The following PIK3R4 variants were observed in gnomAD, a reference collection of about 807,000 sequenced individuals.
PIK3R4 encodes phosphoinositide-3-kinase regulatory subunit 4.
A neutral mutation model predicts 136.5 loss-of-function variants in PIK3R4; 46 were observed. The ratio of observed to expected loss-of-function variants is 0.34; its 90% CI spans 0.27 to 0.43. The LOEUF is 0.43. Among genes scored for constraint, PIK3R4 ranks in the 20% least tolerant of loss-of-function variants. PIK3R4 has a pLI of 1.00. For missense variants in PIK3R4, 1,331 were observed against 1,649.5 expected (o/e 0.81, Z 3.35); for synonymous variants, 557 against 566.7 (o/e 0.98, Z 0.24).
Position 130,735,153 on chromosome 3 carries a change from C to A in PIK3R4, c.867+716G>T, listed in dbSNP as rs140564201. Reference sequence around the variant, plus strand: ...TGGCCTCAACTGGCTTCCTCTGAAGCACCTTATTTTTTAATATTTGACATA... The same window carrying A: ...TGGCCTCAACTGGCTTCCTCTGAAGAACCTTATTTTTTAATATTTGACATA... On this transcript the variant is annotated intron_variant, in intron 3 of 19. Coordinates refer to ENST00000356763, the MANE Select transcript of PIK3R4 (RefSeq NM_014602.3). 2.0e-3 allele frequency among the ~76,000 whole-genome samples: 304 copies of A among 152,272 alleles called. 1 individual carries two copies. The highest frequency in any genetic ancestry group is 3.1e-3 in the Non-Finnish European group (212 of 68,010).
chr3:130,698,077 A>G (rs2066556234), intron 13 of PIK3R4, among the ~76,000 whole-genome samples: 1 of 152,126 alleles, frequency 6.6e-6, no homozygotes, highest in Non-Finnish European at 1.5e-5. Context: ...ATCAACTGTT[A>G]ATTTTATAGA....
intron 7 of PIK3R4, among the ~76,000 whole-genome samples, chr3:130,722,304 G>T (rs2066706143): frequency 6.6e-6 from 1 of 151,992 alleles, no homozygotes; most frequent in African/African-American, 2.4e-5. Context: ...ACCACACTGG[G>T]TTTATTCTGT....
At chr3:130,723,642 C>A in intron 6 of PIK3R4, 55 bp from the exon 7 acceptor site, 3 of 1,442,476 alleles carry the variant, frequency 2.1e-6, no homozygotes, top group East Asian at 2.4e-5. Context: ...GTACATATAT[C>A]ATTAAGTAAA....
chr3:130,695,034 C>T (rs910777519), intron 13 of PIK3R4, among the ~76,000 whole-genome samples: 1 of 152,062 alleles, frequency 6.6e-6, no homozygotes, highest in African/African-American at 2.4e-5. Flanking sequence ...GTTGAGATGA[C>T]CATTTGGTCT....
chr3:130,696,898 C>T (rs1479605980), intron 13 of PIK3R4, among the ~76,000 whole-genome samples: 2 of 151,952 alleles, frequency 1.3e-5, no homozygotes, highest in Non-Finnish European at 2.9e-5. Context: ...TCAATTCTAT[C>T]GGTTTTTGCT....
chr3:130,727,990 C>T (rs576573406), intron 6 of PIK3R4, among the ~76,000 whole-genome samples: 1 of 151,900 alleles, frequency 6.6e-6, no homozygotes, highest in Non-Finnish European at 1.5e-5. Flanking sequence ...TTACACAAAG[C>T]CTTTAACTTA....
chr3:130,693,208 C>A (rs1001981736), intron 13 of PIK3R4, among the ~76,000 whole-genome samples: 1 of 152,058 alleles, frequency 6.6e-6, no homozygotes, highest in African/African-American at 2.4e-5. Flanking sequence ...ATAGATATAC[C>A]ACATTTTATC....
At chr3:130,706,082 A>ATTT (rs1209178380) in intron 11 of PIK3R4, among the ~76,000 whole-genome samples, 1 of 152,246 alleles carries the variant, frequency 6.6e-6, no homozygotes, top group Non-Finnish European at 1.5e-5. Context: ...ATTTCAATTC[A>ATTT]ATTAATCTGG....
chr3:130,703,796 C>T lies in PIK3R4; in HGVS notation c.3025G>A (p.Ala1009Thr), dbSNP rs758713279. 1.2e-6 allele frequency: 2 copies of T among 1,613,158 alleles called. No individual in the cohort carries two copies. The highest frequency in any genetic ancestry group is 1.7e-6 in the Non-Finnish European group (2 of 1,179,258). ...IRVSDEHSLF[A>T]TCSNDGTVKI... The stretch of plus-strand genomic sequence containing the variant: ...ACTGTGCCATCATTTGAACATGTTG[C>T]AAAAAGTGAGTGTTCATCAGAGACT... Residue 1009 changes from alanine (A) to threonine (T), a missense_variant, in exon 13 of 20, where the codon GCA becomes ACA. Physicochemically the swap from Ala to Thr is moderately conservative, Grantham distance 58 (BLOSUM62 0). Transcript: ENST00000356763.
intron 9 of PIK3R4, among the ~76,000 whole-genome samples, chr3:130,713,818 G>A (rs147314493): frequency 2.6e-4 from 40 of 152,108 alleles, no homozygotes; most frequent in African/African-American, 9.2e-4. Context: ...GACCACAGGT[G>A]CCCACCACCA....
intron 6 of PIK3R4, 39 bp from the exon 7 acceptor site, chr3:130,723,626 C>A: frequency 6.5e-7 from 1 of 1,548,494 alleles, no homozygotes; most frequent in South Asian, 1.2e-5. Context: ...TATTCAATAC[C>A]TAAAAGTACA....
In PIK3R4 at chr3:130,711,259, G is replaced by C. The variant is rs191378441; in HGVS notation, c.2332-2767C>G. Among the ~76,000 whole-genome samples the C allele has an allele frequency of 9.8e-4, 149 of 152,034 alleles. 1 individual carries two copies. The highest frequency in any genetic ancestry group is 3.2e-3 in the African/African-American group (132 of 41,488). ...CACACACACAGACACACACTTTTCA[G>C]GCATGGGAAAACAGGCAGACAGGGC... On this transcript the variant is annotated intron_variant, in intron 9 of 19. Coordinates refer to ENST00000356763, the MANE Select transcript of PIK3R4 (RefSeq NM_014602.3).
chr3:130,708,670 G>A (rs997064489), intron 9 of PIK3R4, among the ~76,000 whole-genome samples, 178 bp from the exon 10 acceptor site: 10 of 152,056 alleles, frequency 6.6e-5, no homozygotes, highest in African/African-American at 1.7e-4. Flanking sequence ...GACATGTCAC[G>A]ACTAAGATCT....
intron 14 of PIK3R4, among the ~76,000 whole-genome samples, chr3:130,687,794 A>G (rs749391214): frequency 1.3e-5 from 2 of 152,110 alleles, no homozygotes; most frequent in South Asian, 2.1e-4. Context: ...CTTTCAATGT[A>G]CTTTTTTAAA....
At chr3:130,694,523 G>T (rs1421852531) in intron 13 of PIK3R4, among the ~76,000 whole-genome samples, 2 of 151,864 alleles carry the variant, frequency 1.3e-5, no homozygotes, top group East Asian at 1.9e-4. Context: ...CAAGTATTTT[G>T]TTCATTTTGA....
chr3:130,728,381 TATC>T, intron 6 of PIK3R4, 79 bp downstream of exon 6: 1 of 760,788 alleles, frequency 1.3e-6, no homozygotes. Flanking sequence ...AATTTGGTAG[TATC>T]ATCTATCCTT....
intron 13 of PIK3R4, among the ~76,000 whole-genome samples, chr3:130,699,713 A>C (rs1409197756): frequency 6.6e-6 from 1 of 152,220 alleles, no homozygotes; most frequent in Non-Finnish European, 1.5e-5. Context: ...CCATTCCAAA[A>C]TAGAAACCCC....
intron 13 of PIK3R4, among the ~76,000 whole-genome samples, chr3:130,694,657 T>C (rs1212132868): frequency 6.6e-6 from 1 of 152,118 alleles, no homozygotes; most frequent in East Asian, 1.9e-4. Context: ...TTATTAGTTC[T>C]AGTAAGTTTT....
In PIK3R4 at chr3:130,703,713, CAT is replaced by C. The variant is rs1287990389; in HGVS notation, c.3098+8_3098+9del. 1 of 1,590,170 alleles carries C rather than the reference CAT, an allele frequency of 6.3e-7. No homozygotes were observed. Among genetic ancestry groups the C allele is most frequent in the East Asian group, 2.2e-5 (1 of 44,730 alleles). On this transcript the variant is annotated splice_region_variant and intron_variant, in intron 13 of 19. Transcript: ENST00000356763. The stretch of plus-strand genomic sequence containing the variant: ...ATTAATGAACTGATTCATTCCTGAG[CAT>C]ATGGTACCTGGTAGTGGTGGTCTTC...
Sources: allele counts gnomAD v4.1 joint callset (sites outside exome capture counted in the v4.1 genomes callset), GRCh38; gene constraint gnomAD v4.1.1; transcripts MANE v1.5; gene names NCBI Gene and HGNC (gene_info 2026-07-23, HGNC 2026-07-21).